The following TAFA1 variants were observed in gnomAD, a reference collection of about 807,000 sequenced individuals.
The protein encoded by TAFA1 is chemokine-like protein TAFA-1.
TAFA1 carries 4 observed loss-of-function variants against 18.5 expected under a neutral mutation model. The ratio of observed to expected loss-of-function variants is 0.22; its 90% CI spans 0.11 to 0.49. TAFA1 has a LOEUF of 0.49. TAFA1 is among the 20% of genes least tolerant of loss of function. TAFA1 has a pLI of 0.98. For synonymous variants in TAFA1, 56 were observed against 55.2 expected (o/e 1.01, Z -0.06); for missense variants, 147 against 169.0 (o/e 0.87, Z 0.72).
At chr3:68,262,421 C>T (rs940390184) in intron 2 of TAFA1, among the ~76,000 whole-genome samples, 20 of 143,770 alleles carry the variant, frequency 1.4e-4, no homozygotes, top group African/African-American at 5.1e-4. Flanking sequence ...GTTTTTCAAC[C>T]CATGCCTCCT....
chr3:68,269,086 C>G (rs1042569533), intron 2 of TAFA1, among the ~76,000 whole-genome samples: 1 of 152,086 alleles, frequency 6.6e-6, no homozygotes, highest in African/African-American at 2.4e-5. Context: ...AAAGAACAAA[C>G]TTTTGCTGAA....
intron 2 of TAFA1, among the ~76,000 whole-genome samples, chr3:68,052,449 C>T (rs774932798): frequency 1.3e-5 from 2 of 152,150 alleles, no homozygotes; most frequent in Non-Finnish European, 2.9e-5. Context: ...CTCTAACCCA[C>T]GTGGAACTTT....
chr3:67,995,427 G>A, the TAFA1 span, among the ~76,000 whole-genome samples: 2 of 152,088 alleles, frequency 1.3e-5, no homozygotes, highest in African/African-American at 4.8e-5. Context: ...GTAACTTACT[G>A]CCAAGATTGA....
At chr3:68,150,918 C>A (rs1559539007) in intron 2 of TAFA1, among the ~76,000 whole-genome samples, 1 of 152,050 alleles carries the variant, frequency 6.6e-6, no homozygotes, top group Non-Finnish European at 1.5e-5. Context: ...GAGTGTTGCA[C>A]AGTCAATTTG....
chr3:68,088,227 T>G (rs149869570), intron 2 of TAFA1, among the ~76,000 whole-genome samples: 1 of 152,348 alleles, frequency 6.6e-6, no homozygotes, highest in Admixed American at 6.5e-5. Context: ...TTAATTTAGC[T>G]GAAAAATAAT....
chr3:68,370,013 G>T (rs1016790869), intron 2 of TAFA1, among the ~76,000 whole-genome samples: 19 of 151,678 alleles, frequency 1.3e-4, no homozygotes, highest in Admixed American at 1.2e-3. Context: ...TTTGGGCCAG[G>T]TGTGGTGGCT....
intron 3 of TAFA1, among the ~76,000 whole-genome samples, chr3:68,527,652 AT>A (rs1378709155): frequency 6.6e-6 from 1 of 152,034 alleles, no homozygotes; most frequent in Non-Finnish European, 1.5e-5. Context: ...ACTTGTCAAT[AT>A]ATATTGTCTG....
chr3:68,146,838 T>C (rs1305762826), intron 2 of TAFA1, among the ~76,000 whole-genome samples: 1 of 152,174 alleles, frequency 6.6e-6, no homozygotes, highest in Non-Finnish European at 1.5e-5. Context: ...TAACATTGTT[T>C]ATTAGATGCT....
intron 2 of TAFA1, among the ~76,000 whole-genome samples, chr3:68,399,733 A>G (rs1020152525): frequency 6.6e-6 from 1 of 152,178 alleles, no homozygotes; most frequent in Admixed American, 6.6e-5. Context: ...CATTTTTATT[A>G]TTCAGTCCTC....
intron 2 of TAFA1, among the ~76,000 whole-genome samples, chr3:68,301,090 T>A (rs548599248): frequency 6.6e-6 from 1 of 152,208 alleles, no homozygotes; most frequent in African/African-American, 2.4e-5. Context: ...TACATTCACA[T>A]GGTTTTAAAA....
chr3:68,174,851 G>A (rs567833644), intron 2 of TAFA1, among the ~76,000 whole-genome samples: 1 of 152,290 alleles, frequency 6.6e-6, no homozygotes, highest in Middle Eastern at 3.4e-3. Context: ...ATCTCCCCAG[G>A]GTATGTCAGA....
intron 2 of TAFA1, among the ~76,000 whole-genome samples, chr3:68,042,584 G>C (rs1240805194): frequency 6.6e-6 from 1 of 152,198 alleles, no homozygotes; most frequent in Non-Finnish European, 1.5e-5. Context: ...GGGAGGTGGA[G>C]GTTGCAGTGA....
chr3:68,524,190 T>G (rs2073070503), intron 3 of TAFA1, among the ~76,000 whole-genome samples: 1 of 152,156 alleles, frequency 6.6e-6, no homozygotes, highest in African/African-American at 2.4e-5. Flanking sequence ...AGGTTGATGA[T>G]GCCAGGAGGA....
rs115613735 is a variant in TAFA1, at chr3:68,406,456, T to G, written c.119-10824T>G. Among the ~76,000 whole-genome samples the G allele has an allele frequency of 6.8e-3, 1,039 of 152,320 alleles. 14 individuals are homozygous for G. The highest frequency in any genetic ancestry group is 0.024 in the African/African-American group (998 of 41,578). On this transcript the variant is annotated intron_variant, in intron 2 of 4. Transcript: ENST00000478136. ...AAGCCTTATTTCATTTCAATTCTTG[T>G]CCTAATCACAGTAGAATACAACTTA...
intron 3 of TAFA1, among the ~76,000 whole-genome samples, chr3:68,510,006 C>T (rs1435841475): frequency 2.6e-5 from 4 of 152,024 alleles, no homozygotes; most frequent in Non-Finnish European, 4.4e-5. Context: ...CCCATTGTCT[C>T]GGGATAAAGT....
intron 2 of TAFA1, among the ~76,000 whole-genome samples, chr3:68,387,935 T>C (rs1430788412): frequency 6.6e-6 from 1 of 152,208 alleles, no homozygotes; most frequent in South Asian, 2.1e-4. Flanking sequence ...TTTCTGACTA[T>C]ATCATTAAAA....
At chr3:68,461,530 G>A (rs1052857290) in intron 3 of TAFA1, among the ~76,000 whole-genome samples, 1 of 151,442 alleles carries the variant, frequency 6.6e-6, no homozygotes, top group African/African-American at 2.4e-5. Flanking sequence ...ACAAATTGAA[G>A]AGGGACTGAA....
At chr3:67,996,425 A>T in the TAFA1 span, among the ~76,000 whole-genome samples, 1 of 152,206 alleles carries the variant, frequency 6.6e-6, no homozygotes, top group African/African-American at 2.4e-5. Context: ...GGGATAAAGA[A>T]AGGGCTATCT....
At chr3:68,007,677 G>A (rs1006765232) in intron 2 of TAFA1, among the ~76,000 whole-genome samples, 1 of 142,750 alleles carries the variant, frequency 7.0e-6, no homozygotes, top group Non-Finnish European at 1.5e-5. Context: ...GCGCGCCCAA[G>A]TTTCTGATGC....
Sources: allele counts gnomAD v4.1 joint callset (sites outside exome capture counted in the v4.1 genomes callset), GRCh38; gene constraint gnomAD v4.1.1; transcripts MANE v1.5; gene names NCBI Gene and HGNC (gene_info 2026-07-23, HGNC 2026-07-21).